The following ZMYND15 variants were observed in gnomAD, a reference collection of about 807,000 sequenced individuals.
ZMYND15 encodes the protein zinc finger MYND-type containing 15.
In ZMYND15, 54 loss-of-function variants were observed where a neutral mutation model predicts 81.7. The observed-to-expected ratio is 0.66, with a 90% CI of 0.53 to 0.83. ZMYND15 has a LOEUF of 0.83. Ranked by LOEUF, ZMYND15 falls within the 40% of genes least tolerant of loss-of-function variation. The pLI is 0.00. For missense variants in ZMYND15, 925 were observed against 973.5 expected (o/e 0.95, Z 0.66); for synonymous variants, 399 against 387.0 (o/e 1.03, Z -0.36).
rs764174824 is a variant in ZMYND15 at position 4,743,440 on chromosome 17, A to G, written c.1282A>G (p.Ser428Gly). ...CCCCCGAGGCAACACGCCATCCCTC[A>G]GCCTTCTTCGCGGTGGTGCGTGGGG... Reference protein sequence around the residue: ...RHPRGNTPSLSLLRGGDPYQL... With the variant: ...RHPRGNTPSLGLLRGGDPYQL... Residue 428 changes from serine (S) to glycine (G), a missense_variant, in exon 6 of 14, where the codon AGC becomes GGC. Coordinates refer to ENST00000433935, the MANE Select transcript of ZMYND15 (RefSeq NM_001136046.3). This position sits in a 1 kb window ranked among gnomAD's most constrained non-coding sequence, Gnocchi z 4.3. 5 of 1,613,682 alleles carry G rather than the reference A, an allele frequency of 3.1e-6. No homozygotes were observed. The East Asian group carries it at 1.1e-4, about 36-fold the overall frequency.
At position 4,740,760 on chromosome 17, in the gene ZMYND15, T is replaced by G. The variant is rs1380146964; in HGVS notation, c.212T>G (p.Leu71Arg). ...VLPNHSVGIS[L>R]GQGAEPGPGP... ...CCCAACCATAGTGTGGGCATCAGCCTGGGGCAAGGGGCAGAACCAGGTCCT... is the reference window on the plus strand; with the variant it reads ...CCCAACCATAGTGTGGGCATCAGCCGGGGGCAAGGGGCAGAACCAGGTCCT... The change falls in exon 2 of 14, where the codon CTG becomes CGG. Residue 71 changes from leucine to arginine, a missense_variant. Physicochemically the swap from Leu to Arg is moderately radical, Grantham distance 102 (BLOSUM62 -2). Transcript: ENST00000433935. 1 of 1,601,276 alleles carries G rather than the reference T, an allele frequency of 6.2e-7. No individual in the cohort carries two copies. Among genetic ancestry groups the G allele is most frequent in the South Asian group, 1.1e-5 (1 of 90,340 alleles).
chr17:4,744,096 T>C lies in ZMYND15; in HGVS notation c.1484T>C (p.Val495Ala), dbSNP rs1236475772. The stretch of plus-strand genomic sequence containing the variant: ...GTGTACTACGTCATCACCCACCTGG[T>C]GCCCCAGTCCTGTAAGGAGAGCGGA... The part of the protein sequence containing the change: ...LTVYYVITHL[V>A]PQSFPELNIQ... The change falls in exon 8 of 14, where the codon GTG becomes GCG. Residue 495 changes from valine to alanine, a missense_variant. Transcript: ENST00000433935. This position sits in a 1 kb window ranked among gnomAD's most constrained non-coding sequence, Gnocchi z 4.1. The C allele has an allele frequency of 6.3e-7, 1 of 1,591,882 alleles. No individual in the cohort carries two copies.
At chr17:4,742,243 T>G in intron 4 of ZMYND15, 88 bp from the exon 5 acceptor site, 1 of 1,559,292 alleles carries the variant, frequency 6.4e-7, no homozygotes, top group Non-Finnish European at 8.8e-7. Flanking sequence ...ACAGACCGAG[T>G]GACATATGGG....
In ZMYND15 at chr17:4,744,626, A is replaced by G; in HGVS notation, c.1685A>G (p.Asp562Gly). Residue 562 changes from aspartate (D) to glycine (G), a missense_variant and splice_region_variant, in exon 11 of 14, where the codon GAC becomes GGC. Transcript: ENST00000433935. The surrounding 1 kb of genome is among the most constrained non-coding windows in gnomAD (Gnocchi z 4.1). ...SDEQHFTLQR[D>G]SLEVSVRPGS... ...CACCCCACTCCTGGGGCCCCTCAGG[A>G]CAGCCTGGAGGTGTCTGTCCGGCCT... 6.2e-7 allele frequency: 1 copy of G among 1,611,038 alleles called. No individual in the cohort carries two copies. Among genetic ancestry groups the G allele is most frequent in the Non-Finnish European group, 8.5e-7 (1 of 1,179,182 alleles).
Position 4,740,923 on chromosome 17 carries a change from A to G in ZMYND15, c.375A>G (p.Glu125=), listed in dbSNP as rs62648081. The stretch of plus-strand genomic sequence containing the variant: ...AGGAAGAGGAGGAAGATGAAGAAGA[A>G]GAGAAGAGAGAGGACGGGGGTGCAG... ...GEEEEEEDEE[E]EKREDGGAGS... is the part of the protein sequence containing the mutation. The change falls in exon 2 of 14, where the codon GAA becomes GAG. Residue 125 remains glutamate (E), a synonymous_variant. Coordinates refer to ENST00000433935, the MANE Select transcript of ZMYND15 (RefSeq NM_001136046.3). The G allele has an allele frequency of 1.0e-3, 1,584 of 1,581,224 alleles. 11 individuals are homozygous for G. The African/African-American group carries it at 0.018, about 18-fold the overall frequency.
Position 4,745,942 on chromosome 17 carries a change from G to T in ZMYND15, c.2181G>T (p.Arg727Ser). 1.4e-6 allele frequency: 2 copies of T among 1,473,874 alleles called. No homozygotes were observed. Among genetic ancestry groups the T allele is most frequent in the Admixed American group, 5.7e-5 (2 of 34,840 alleles). The allele number at this position is 1,473,874 out of a possible 1,614,324, so 91.3% of individuals were successfully genotyped here. ...TPSAPPAPTR[R>S]RRGEKKPGRG... Reference sequence around the variant, plus strand: ...CTGCTCCTCCTGCCCCCACCCGAAGGCGCCGAGGAGAAAAGAAACCTGGGC... The same window carrying T: ...CTGCTCCTCCTGCCCCCACCCGAAGTCGCCGAGGAGAAAAGAAACCTGGGC... Residue 727 changes from arginine (R) to serine (S), a missense_variant, in exon 14 of 14, where the codon AGG becomes AGT. By Grantham distance (110) the Arg-to-Ser change is moderately radical. Transcript: ENST00000433935. The surrounding 1 kb of genome is among the most constrained non-coding windows in gnomAD (Gnocchi z 5.2).
Position 4,745,094 on chromosome 17 carries a change from TC to T in ZMYND15, c.1897-116del. On this transcript the variant is annotated intron_variant, in intron 12 of 13. Transcript: ENST00000433935. The surrounding 1 kb of genome is among the most constrained non-coding windows in gnomAD (Gnocchi z 5.2). Reference sequence around the variant, plus strand: ...CCTCTCTCTGTGTCTGTCTCCGTCCTCCCCCTGCTCCCCTCCGCCCGGTCTG... The same window carrying T: ...CCTCTCTCTGTGTCTGTCTCCGTCCTCCCCTGCTCCCCTCCGCCCGGTCTG... The T allele has an allele frequency of 6.4e-7, 1 of 1,553,476 alleles. No homozygotes were observed. The highest frequency in any genetic ancestry group is 1.2e-5 in the South Asian group (1 of 86,664).
rs1344202579 is a variant in ZMYND15 at position 4,740,665 on chromosome 17, C to T, written c.117C>T (p.Arg39=). 6.2e-7 allele frequency: 1 copy of T among 1,614,198 alleles called. No homozygotes were observed. Among genetic ancestry groups the T allele is most frequent in the African/African-American group, 1.3e-5 (1 of 75,070 alleles). ...RGAVGTSLEG[R]CRQLEAQIRR... is the part of the protein sequence containing the mutation. ...CTGTAGGGACTAGCCTTGAGGGCCG[C>T]TGCCGGCAGCTGGAGGCCCAGATCA... The change falls in exon 2 of 14, where the codon CGC becomes CGT. Residue 39 remains arginine, a synonymous_variant. Transcript: ENST00000433935.
Position 4,745,297 on chromosome 17 carries a change from G to A in ZMYND15, c.1979G>A (p.Gly660Glu). The A allele has an allele frequency of 6.2e-7, 1 of 1,613,812 alleles. No individual in the cohort carries two copies. Among genetic ancestry groups the A allele is most frequent in the Non-Finnish European group, 8.5e-7 (1 of 1,179,924 alleles). ...MDGQTMAVATGGGTSPPQPNP... is the reference protein window; with the variant it reads ...MDGQTMAVATEGGTSPPQPNP... Reference sequence around the variant, plus strand: ...GGCCAGACCATGGCGGTGGCCACTGGAGGGGGCACCAGCCCTCCCCAGCCC... The same window carrying A: ...GGCCAGACCATGGCGGTGGCCACTGAAGGGGGCACCAGCCCTCCCCAGCCC... The change falls in exon 13 of 14, where the codon GGA becomes GAA. Residue 660 changes from glycine to glutamate, a missense_variant. Physicochemically the swap from Gly to Glu is moderately conservative, Grantham distance 98 (BLOSUM62 -2). Transcript: ENST00000433935. The surrounding 1 kb of genome is among the most constrained non-coding windows in gnomAD (Gnocchi z 5.2).
Position 4,746,057 on chromosome 17 carries a change from T to G in ZMYND15, c.*67T>G. ...GGAAAACGTGAAAACACTCAAGGCC[T>G]AGGGGGAGGACAGGTTGGTAAAACA... On this transcript the variant is annotated 3_prime_UTR_variant, in exon 14 of 14. Transcript: ENST00000433935. 57 of 1,325,318 alleles carry G rather than the reference T, an allele frequency of 4.3e-5. No homozygotes were observed. Among genetic ancestry groups the G allele is most frequent in the Middle Eastern group, 1.9e-4 (1 of 5,212 alleles). 82.1% of individuals were successfully genotyped at this position (1,325,318 alleles called of 1,614,324 possible). A position where few individuals can be genotyped will look rare whatever the true frequency, so the allele number is the denominator to read the frequency against.
chr17:4,744,460 T>G lies in ZMYND15; in HGVS notation c.1676T>G (p.Leu559Arg), dbSNP rs1567699697. Residue 559 changes from leucine to arginine, a missense_variant, in exon 10 of 14, where the codon CTG becomes CGG. Leu to Arg is a moderately radical substitution (Grantham distance 102, BLOSUM62 -2). Coordinates refer to ENST00000433935, the MANE Select transcript of ZMYND15 (RefSeq NM_001136046.3). This position sits in a 1 kb window ranked among gnomAD's most constrained non-coding sequence, Gnocchi z 4.1. ...PPESDEQHFT[L>R]QRDSLEVSVR... is the part of the protein sequence containing the mutation. The stretch of plus-strand genomic sequence containing the variant: ...GAAAGCGACGAGCAGCATTTTACCC[T>G]GCAGAGGGTGAGGGCTGAGGGGGCC... The G allele has an allele frequency of 6.2e-7, 1 of 1,614,038 alleles. No individual in the cohort carries two copies. Among genetic ancestry groups the G allele is most frequent in the East Asian group, 2.2e-5 (1 of 44,880 alleles).
At position 4,741,689 on chromosome 17, in the gene ZMYND15, G is replaced by A. The variant is rs774821487; in HGVS notation, c.700G>A (p.Gly234Ser). Residue 234 changes from glycine (G) to serine (S), a missense_variant, in exon 3 of 14, where the codon GGC (glycine) becomes AGC (serine). Gly to Ser is a moderately conservative substitution (Grantham distance 56). Transcript: ENST00000433935. ...TGGAGCCCAGGGAACCGCAAGCTGG[G>A]GCTCAGGGACCAAGGACCTGGCTCC... ...VDGAQGTASW[G>S]SGTKDLAPWA... 1.2e-5 allele frequency: 19 copies of A among 1,613,990 alleles called. No individual in the cohort carries two copies. Among genetic ancestry groups the A allele is most frequent in the South Asian group, 2.2e-5 (2 of 91,084 alleles).
rs1448132274 is a variant in ZMYND15, at chr17:4,743,288, C to G, written c.1145-15C>G. The G allele has an allele frequency of 2.0e-6, 3 of 1,530,360 alleles. No homozygotes were observed. The highest frequency in any genetic ancestry group is 2.7e-6 in the Non-Finnish European group (3 of 1,120,178). 94.8% of individuals were successfully genotyped at this position (1,530,360 alleles called of 1,614,324 possible). A position where few individuals can be genotyped will look rare whatever the true frequency, so the allele number is the denominator to read the frequency against. ...CTAGCCCAGCACCTCAACTCCTCCC[C>G]TTCTCCTTCTCCAGAGGTGACCAGT... On this transcript the variant is annotated splice_polypyrimidine_tract_variant and intron_variant, in intron 5 of 13. Coordinates refer to ENST00000433935, the MANE Select transcript of ZMYND15 (RefSeq NM_001136046.3). This position sits in a 1 kb window ranked among gnomAD's most constrained non-coding sequence, Gnocchi z 4.3.
chr17:4,741,146 A>C lies in ZMYND15; in HGVS notation c.592+6A>C. The C allele has an allele frequency of 6.9e-7, 1 of 1,443,058 alleles. No homozygotes were observed. Among genetic ancestry groups the C allele is most frequent in the Non-Finnish European group, 9.1e-7 (1 of 1,093,430 alleles). The allele number at this position is 1,443,058 out of a possible 1,614,324, so 89.4% of individuals were successfully genotyped here. A position where few individuals can be genotyped will look rare whatever the true frequency, so the allele number is the denominator to read the frequency against. On this transcript the variant is annotated splice_donor_region_variant and intron_variant, in intron 2 of 13. Coordinates refer to ENST00000433935, the MANE Select transcript of ZMYND15 (RefSeq NM_001136046.3). ...GAGGAAGGGACAGAGGAGTGGTAAG[A>C]ACCCAGGGCTGGCCCTGCCCTACCC...
Position 4,745,742 on chromosome 17 carries a change from G to A in ZMYND15, c.2058-77G>A. 8.0e-7 allele frequency: 1 copy of A among 1,248,330 alleles called. No individual in the cohort carries two copies. The highest frequency in any genetic ancestry group is 1.1e-6 in the Non-Finnish European group (1 of 908,596). 77.3% of individuals were successfully genotyped at this position (1,248,330 alleles called of 1,614,324 possible). A position where few individuals can be genotyped will look rare whatever the true frequency, so the allele number is the denominator to read the frequency against. ...CCCCTGGTCCCTGACCGCGCCCCTG[G>A]GAGCCCCGACCCCTGGGAGCGCCGA... On this transcript the variant is annotated intron_variant, in intron 13 of 13. Transcript: ENST00000433935. This position sits in a 1 kb window ranked among gnomAD's most constrained non-coding sequence, Gnocchi z 5.2.
At position 4,742,402 on chromosome 17, in the gene ZMYND15, A is replaced by G; in HGVS notation, c.1055A>G (p.Asp352Gly). The change falls in exon 5 of 14, where the codon GAT (aspartate) becomes GGT (glycine). Residue 352 changes from aspartate (D) to glycine (G), a missense_variant. Transcript: ENST00000433935. ...LRADWQRCPD[D>G]VSHRFWCPRL... ...GCTGACTGGCAGCGGTGCCCAGATG[A>G]TGTGAGTCACCGATTTTGGTGCCCA... The G allele has an allele frequency of 6.2e-7, 1 of 1,614,144 alleles. No individual in the cohort carries two copies.
Position 4,742,320 on chromosome 17 carries a change from T to C in ZMYND15, c.984-11T>C. 1 of 1,612,988 alleles carries C rather than the reference T, an allele frequency of 6.2e-7. No individual in the cohort carries two copies. Among genetic ancestry groups the C allele is most frequent in the Non-Finnish European group, 8.5e-7 (1 of 1,179,158 alleles). On this transcript the variant is annotated splice_polypyrimidine_tract_variant and intron_variant, in intron 4 of 13. Transcript: ENST00000433935. ...TTAACACTAGGTGCCCACCACCCGC[T>C]GTGTCCCCAGCCCCCAGTGTAGTGC...
In ZMYND15 at chr17:4,745,943, C is replaced by T. The variant is rs763138174; in HGVS notation, c.2182C>T (p.Arg728Cys). ...TGCTCCTCCTGCCCCCACCCGAAGGCGCCGAGGAGAAAAGAAACCTGGGCG... is the reference window on the plus strand; with the variant it reads ...TGCTCCTCCTGCCCCCACCCGAAGGTGCCGAGGAGAAAAGAAACCTGGGCG... ...PSAPPAPTRR[R>C]RGEKKPGRGA... Residue 728 changes from arginine (R) to cysteine (C), a missense_variant, in exon 14 of 14, where the codon CGC (arginine) becomes TGC (cysteine). By Grantham distance (180) the Arg-to-Cys change is radical. Coordinates refer to ENST00000433935, the MANE Select transcript of ZMYND15 (RefSeq NM_001136046.3). The surrounding 1 kb of genome is among the most constrained non-coding windows in gnomAD (Gnocchi z 5.2). 2.0e-6 allele frequency: 3 copies of T among 1,473,956 alleles called. No individual in the cohort carries two copies. The highest frequency in any genetic ancestry group is 2.7e-6 in the Non-Finnish European group (3 of 1,117,274). 91.3% of individuals were successfully genotyped at this position (1,473,956 alleles called of 1,614,324 possible). A position where few individuals can be genotyped will look rare whatever the true frequency, so the allele number is the denominator to read the frequency against.
chr17:4,745,209 C>A lies in ZMYND15; in HGVS notation c.1897-6C>A. Reference sequence around the variant, plus strand: ...GCCTCTCAGAGCGACTCTCGCTCCACCCCAGTCCCTCCGAGTGCCAGCCTT... The same window carrying A: ...GCCTCTCAGAGCGACTCTCGCTCCAACCCAGTCCCTCCGAGTGCCAGCCTT... On this transcript the variant is annotated splice_region_variant and splice_polypyrimidine_tract_variant and intron_variant, in intron 12 of 13. Coordinates refer to ENST00000433935, the MANE Select transcript of ZMYND15 (RefSeq NM_001136046.3). This position sits in a 1 kb window ranked among gnomAD's most constrained non-coding sequence, Gnocchi z 5.2. 2 of 1,614,074 alleles carry A rather than the reference C, an allele frequency of 1.2e-6. No homozygotes were observed. Among genetic ancestry groups the A allele is most frequent in the South Asian group, 1.1e-5 (1 of 91,074 alleles).
Sources: gnomAD v4.1 joint callset for allele counts on GRCh38, gnomAD v4.1.1 for gene constraint, Gnocchi (gnomAD v3.1) non-coding constraint, MANE v1.5 for transcripts, NCBI Gene and HGNC (gene_info 2026-07-23, HGNC 2026-07-21) for gene names.